PLAAT3: variants seen among roughly 807,000 people sequenced by gnomAD.
PLAAT3 encodes Ca-independent phospholipase A1/2.
A neutral mutation model predicts 16.7 loss-of-function variants in PLAAT3; 21 were observed. The ratio of observed to expected loss-of-function variants is 1.26; its 90% CI spans 0.89 to 1.81. The LOEUF is 1.81. Among genes scored for constraint, PLAAT3 ranks in the 40% most tolerant of loss-of-function variants. PLAAT3 has a pLI of 0.00. For synonymous variants in PLAAT3, 76 were observed against 81.7 expected (o/e 0.93, Z 0.38); for missense variants, 219 against 213.7 (o/e 1.02, Z -0.16).
At chr11:63,579,484 T>C (rs373787390) in intron 4 of PLAAT3, among the ~76,000 whole-genome samples, 1 of 151,858 alleles carries the variant, frequency 6.6e-6, no homozygotes, top group Non-Finnish European at 1.5e-5. Flanking sequence ...AAATGTCCAA[T>C]AATGATAGAC....
chr11:63,615,166 A>G (rs112820086), upstream of PLAAT3, among the ~76,000 whole-genome samples: 4 of 35,528 alleles, frequency 1.1e-4, no homozygotes, highest in African/African-American at 2.7e-4. Context: ...ATGTGTATAT[A>G]TGTGTGTATA....
chr11:63,594,911 G>A (rs193122358), intron 3 of PLAAT3, among the ~76,000 whole-genome samples: 1 of 152,252 alleles, frequency 6.6e-6, no homozygotes, highest in East Asian at 1.9e-4. Context: ...ACATGGGTAA[G>A]GGGCTCAGGG....
intron 2 of PLAAT3, among the ~76,000 whole-genome samples, chr11:63,602,899 C>T (rs1938466047): frequency 6.6e-6 from 1 of 152,122 alleles, no homozygotes; most frequent in African/African-American, 2.4e-5. Flanking sequence ...TCGAGATCAG[C>T]CTGGCCAACT....
intron 4 of PLAAT3, among the ~76,000 whole-genome samples, chr11:63,586,987 G>A (rs764495519): frequency 3.3e-5 from 5 of 152,204 alleles, no homozygotes; most frequent in Non-Finnish European, 7.3e-5. Flanking sequence ...TGGAGGCTGA[G>A]GCAGAAGAAT....
chr11:63,604,123 G>C (rs1004177940), intron 2 of PLAAT3, among the ~76,000 whole-genome samples: 1 of 152,080 alleles, frequency 6.6e-6, no homozygotes, highest in Non-Finnish European at 1.5e-5. Flanking sequence ...CTGCACTCCA[G>C]CCTTTTTCAA....
At chr11:63,588,977 CA>C (rs58090843) in intron 4 of PLAAT3, among the ~76,000 whole-genome samples, 3,792 of 46,880 alleles carry the variant, frequency 0.081, 50 homozygotes, top group African/African-American at 0.25. Context: ...ATGAGCCAAG[CA>C]AAAAAAAAAA....
chr11:63,586,111 G>GGTGTGT (rs59038969), intron 4 of PLAAT3, among the ~76,000 whole-genome samples: 6 of 149,964 alleles, frequency 4.0e-5, no homozygotes, highest in African/African-American at 1.2e-4. Flanking sequence ...CAGCTACTTG[G>GGTGTGT]GTGTGTGTGT....
At position 63,596,742 on chromosome 11, in the gene PLAAT3, G is replaced by A. The variant is rs1287187447; in HGVS notation, c.118+1319C>T. 2.6e-5 allele frequency among the ~76,000 whole-genome samples: 4 copies of A among 152,044 alleles called. No individual in the cohort carries two copies. The East Asian group carries it at 7.7e-4, about 29-fold the overall frequency. The stretch of plus-strand genomic sequence containing the variant: ...TATGGGAGGTGACTGAATCATGAGC[G>A]AGATTTCCCTCATGCTGTTCTCATG... On this transcript the variant is annotated intron_variant, in intron 3 of 4. Transcript: ENST00000415826.
chr11:63,590,714 A>G (rs994912190), intron 3 of PLAAT3, among the ~76,000 whole-genome samples: 3 of 152,156 alleles, frequency 2.0e-5, no homozygotes, highest in Admixed American at 2.0e-4. Context: ...AAGGTGGGAG[A>G]CTTTTATGAT....
chr11:63,593,858 G>T (rs1289407908), intron 3 of PLAAT3, among the ~76,000 whole-genome samples: 1 of 152,174 alleles, frequency 6.6e-6, no homozygotes, highest in South Asian at 2.1e-4. Flanking sequence ...GGGATTACAG[G>T]CATGAGCCAC....
At chr11:63,615,046 A>ATATATGTGTGTG (rs1565259528), upstream of PLAAT3, among the ~76,000 whole-genome samples, 6 of 13,330 alleles carry the variant, frequency 4.5e-4, no homozygotes, top group South Asian at 0.016. Context: ...ATATATGTAT[A>ATATATGTGTGTG]TATATGTGTA....
At chr11:63,605,780 C>T (rs1278415931) in intron 2 of PLAAT3, among the ~76,000 whole-genome samples, 4 of 152,070 alleles carry the variant, frequency 2.6e-5, no homozygotes, top group South Asian at 2.1e-4. Context: ...TCTCGATCTC[C>T]TGACCTCGTG....
intron 4 of PLAAT3, among the ~76,000 whole-genome samples, chr11:63,586,675 C>G (rs1363993984): frequency 6.6e-6 from 1 of 151,568 alleles, no homozygotes. Context: ...TGATGAAACT[C>G]AATTTGTTAT....
chr11:63,598,733 TG>T (rs753196373), intron 2 of PLAAT3: 1 of 517,762 alleles, frequency 1.9e-6, no homozygotes, highest in Non-Finnish European at 3.9e-6. Flanking sequence ...CTGCCAGATC[TG>T]GAGGGCATTC....
At chr11:63,613,706 G>A (rs1037088897) in intron 2 of PLAAT3, among the ~76,000 whole-genome samples, 19 of 106,988 alleles carry the variant, frequency 1.8e-4, no homozygotes, top group African/African-American at 5.7e-4. Context: ...GGCAGCGCCA[G>A]ATTTCTGCGG....
chr11:63,583,184 G>A (rs1414562912), intron 4 of PLAAT3, among the ~76,000 whole-genome samples: 1 of 152,140 alleles, frequency 6.6e-6, no homozygotes, highest in African/African-American at 2.4e-5. Context: ...AGTTTGGATG[G>A]AGCTACCAAC....
chr11:63,614,737 C>A (rs891131588), upstream of PLAAT3, among the ~76,000 whole-genome samples: 1 of 151,890 alleles, frequency 6.6e-6, no homozygotes, highest in African/African-American at 2.4e-5. Context: ...CACCAAGGGC[C>A]GGGCGCGGTG....
chr11:63,615,250 G>GTATATATC (rs1480553584), upstream of PLAAT3, among the ~76,000 whole-genome samples: 985 of 94,978 alleles, frequency 0.01, 107 homozygotes, highest in East Asian at 0.053. Context: ...GTATATATGT[G>GTATATATC]TGTGTATATA....
intron 3 of PLAAT3, among the ~76,000 whole-genome samples, chr11:63,594,710 A>G (rs1030225309): frequency 1.3e-5 from 2 of 152,186 alleles, no homozygotes; most frequent in African/African-American, 4.8e-5. Flanking sequence ...ACAAAGCTGT[A>G]ATGAGATCTG....
Sources: allele counts gnomAD v4.1 joint callset (sites outside exome capture counted in the v4.1 genomes callset), GRCh38; gene constraint gnomAD v4.1.1; transcripts MANE v1.5; gene names NCBI Gene and HGNC (gene_info 2026-07-23, HGNC 2026-07-21).